Variants in FAF1 observed in about 807,000 individuals in gnomAD.
FAF1 encodes FAS-associated factor 1.
A neutral mutation model predicts 92.5 loss-of-function variants in FAF1; 25 were observed. The ratio of observed to expected loss-of-function variants is 0.27; its 90% confidence interval spans 0.20 to 0.38. The LOEUF (loss-of-function observed/expected upper bound fraction) is 0.38, where lower values mean the gene tolerates loss of function less well. Ranked by LOEUF, FAF1 falls within the 10% of genes least tolerant of loss-of-function variation. The pLI is 1.00. For missense variants in FAF1, 636 were observed against 793.3 expected (o/e 0.80, Z 2.38); for synonymous variants, 234 against 273.2 (o/e 0.86, Z 1.42).
At chr1:50,618,851 C>T (rs188747910) in intron 8 of FAF1, among the ~76,000 whole-genome samples, 8 of 151,526 alleles carry the variant, frequency 5.3e-5, no homozygotes, top group Non-Finnish European at 7.4e-5. Flanking sequence ...TGGGTTCCAG[C>T]GATTCTTCTG....
intron 18 of FAF1, among the ~76,000 whole-genome samples, chr1:50,472,392 C>T (rs1019702263): frequency 2.7e-5 from 4 of 150,316 alleles, no homozygotes; most frequent in African/African-American, 9.8e-5. Flanking sequence ...CACACACACA[C>T]ACACACACAC....
chr1:50,892,159 G>T (rs772884505), intron 1 of FAF1, among the ~76,000 whole-genome samples: 10 of 152,226 alleles, frequency 6.6e-5, no homozygotes, highest in Admixed American at 1.3e-4. Flanking sequence ...CTCCAAGCCA[G>T]GAGTGGGATA....
intron 4 of FAF1, among the ~76,000 whole-genome samples, chr1:50,755,683 C>G (rs2124517785): frequency 6.6e-6 from 1 of 152,320 alleles, no homozygotes; most frequent in South Asian, 2.1e-4. Flanking sequence ...CCCACCCCCA[C>G]AGCAAGCTTC....
At chr1:50,872,137 T>G (rs1644533842) in intron 1 of FAF1, among the ~76,000 whole-genome samples, 1 of 152,010 alleles carries the variant, frequency 6.6e-6, no homozygotes, top group Non-Finnish European at 1.5e-5. Flanking sequence ...TAGTGATTCC[T>G]CTTATGGATC....
intron 1 of FAF1, among the ~76,000 whole-genome samples, chr1:50,883,729 T>TA (rs922819017): frequency 2.0e-5 from 3 of 152,208 alleles, no homozygotes; most frequent in Admixed American, 6.5e-5. Context: ...GGAAAAGCTG[T>TA]AAAAAAAATT....
chr1:50,609,516 C>A (rs1428298557), intron 8 of FAF1, among the ~76,000 whole-genome samples: 2 of 152,148 alleles, frequency 1.3e-5, no homozygotes, highest in African/African-American at 4.8e-5. Flanking sequence ...TCCTGAGCAG[C>A]TGATACTACA....
chr1:50,846,208 T>C (rs1445353753), intron 2 of FAF1, among the ~76,000 whole-genome samples: 7 of 151,228 alleles, frequency 4.6e-5, no homozygotes, highest in Admixed American at 2.0e-4. Context: ...CTATGCTACA[T>C]ACGATGTACA....
chr1:50,786,946 T>C (rs12075991), intron 4 of FAF1, among the ~76,000 whole-genome samples: 15,910 of 152,206 alleles, frequency 0.1, 907 homozygotes, highest in African/African-American at 0.16. Flanking sequence ...GTTTAACAGC[T>C]TTGCTTTCCA....
intron 8 of FAF1, among the ~76,000 whole-genome samples, chr1:50,613,849 A>C (rs1462884541): frequency 1.3e-5 from 2 of 152,194 alleles, no homozygotes; most frequent in East Asian, 3.8e-4. Context: ...CTGTAACCCC[A>C]GCACTTTGGG....
chr1:50,540,859 A>T (rs140961504), intron 13 of FAF1, among the ~76,000 whole-genome samples: 14 of 152,346 alleles, frequency 9.2e-5, no homozygotes, highest in African/African-American at 3.4e-4. Flanking sequence ...AAACAGTGGA[A>T]ATTCTGGGGA....
intron 1 of FAF1, among the ~76,000 whole-genome samples, chr1:50,954,540 A>ATTT (rs199964324): frequency 2.3e-4 from 28 of 120,358 alleles, no homozygotes; most frequent in African/African-American, 2.8e-4. Flanking sequence ...AAAAATTTTG[A>ATTT]TTTTTTTTTT....
At chr1:50,587,706 T>G (rs1349941141) in intron 9 of FAF1, among the ~76,000 whole-genome samples, 1 of 152,214 alleles carries the variant, frequency 6.6e-6, no homozygotes, top group Non-Finnish European at 1.5e-5. Context: ...CACTGTTAAG[T>G]GCTACGCTGT....
chr1:50,869,132 A>G (rs1324287330), intron 1 of FAF1, among the ~76,000 whole-genome samples: 3 of 152,070 alleles, frequency 2.0e-5, no homozygotes, highest in African/African-American at 4.8e-5. Context: ...TGTTTCTTTT[A>G]TCTTTGGTAA....
At chr1:50,776,533 G>C (rs1252106752) in intron 4 of FAF1, among the ~76,000 whole-genome samples, 4 of 151,614 alleles carry the variant, frequency 2.6e-5, no homozygotes, top group African/African-American at 9.7e-5. Context: ...ATTTTTTTTA[G>C]TTGAAAAAAT....
intron 13 of FAF1, among the ~76,000 whole-genome samples, chr1:50,549,818 G>C (rs1006804173): frequency 2.0e-5 from 3 of 151,668 alleles, no homozygotes; most frequent in Non-Finnish European, 4.4e-5. Context: ...ACACAGACTT[G>C]CTATATTGCC....
At chr1:50,499,023 C>T (rs774572263) in intron 15 of FAF1, among the ~76,000 whole-genome samples, 13 of 152,100 alleles carry the variant, frequency 8.5e-5, no homozygotes, top group Non-Finnish European at 1.5e-4. Flanking sequence ...TATATACCTA[C>T]AGTGGAATAT....
Position 50,893,564 on chromosome 1 carries a change from A to G in FAF1, c.46-35567T>C, listed in dbSNP as rs1376592177. Reference sequence around the variant, plus strand: ...ACTCTCTCTCTCTCTCTCTGTACTGAGTTGCTTGGAGCTGGGGGTGGGGTG... The same window carrying G: ...ACTCTCTCTCTCTCTCTCTGTACTGGGTTGCTTGGAGCTGGGGGTGGGGTG... On this transcript the variant is annotated intron_variant, in intron 1 of 18. Transcript: ENST00000396153. Among the ~76,000 whole-genome samples, 3 of 151,942 alleles carry G rather than the reference A, an allele frequency of 2.0e-5. No individual in the cohort carries two copies. The East Asian group carries it at 5.8e-4, about 29-fold the overall frequency.
chr1:50,598,676 G>GC (rs1266995067), intron 8 of FAF1, among the ~76,000 whole-genome samples: 4 of 151,882 alleles, frequency 2.6e-5, no homozygotes, highest in Non-Finnish European at 4.4e-5. Context: ...TGTGCTGGGC[G>GC]CAATGGCTCA....
intron 4 of FAF1, among the ~76,000 whole-genome samples, chr1:50,778,328 G>A (rs1249637659): frequency 6.6e-6 from 1 of 152,050 alleles, no homozygotes; most frequent in Non-Finnish European, 1.5e-5. Context: ...TCTGGATCTG[G>A]GTGGTGGTGG....
Sources: allele counts gnomAD v4.1 joint callset (sites outside exome capture counted in the v4.1 genomes callset), GRCh38; gene constraint gnomAD v4.1.1; transcripts MANE v1.5; gene names NCBI Gene and HGNC (gene_info 2026-07-23, HGNC 2026-07-21).